Variants in USP15 observed in about 807,000 individuals in gnomAD.
USP15 encodes the protein ubiquitin specific peptidase 15.
USP15 carries 18 observed loss-of-function variants against 127.1 expected under a neutral mutation model. The observed-to-expected ratio is 0.14, with a 90% confidence interval of 0.10 to 0.21. The LOEUF is 0.21. Among genes scored for constraint, USP15 ranks in the 10% least tolerant of loss-of-function variants. USP15 has a pLI of 1.00. For missense variants in USP15, 805 were observed against 1,159.9 expected (o/e 0.69, Z 4.44); for synonymous variants, 364 against 393.7 (o/e 0.92, Z 0.89).
chr12:62,327,592 T>C, intron 6 of USP15: 1 of 416,870 alleles, frequency 2.4e-6, no homozygotes, highest in Non-Finnish European at 4.6e-6. Flanking sequence ...GAGAAATCTT[T>C]TCTACTTAAA....
chr12:62,370,624 G>C (rs2066632210), intron 8 of USP15, among the ~76,000 whole-genome samples: 1 of 152,126 alleles, frequency 6.6e-6, no homozygotes, highest in South Asian at 2.1e-4. Context: ...CTGTTGTCAT[G>C]ATACCACCCT....
At chr12:62,378,891 G>A (rs2066908208) in intron 8 of USP15, among the ~76,000 whole-genome samples, 1 of 152,186 alleles carries the variant, frequency 6.6e-6, no homozygotes, top group Middle Eastern at 3.4e-3. Context: ...AAATGCATTA[G>A]TAAATACAGG....
intron 6 of USP15, among the ~76,000 whole-genome samples, chr12:62,344,321 C>T (rs1335282925): frequency 2.0e-5 from 3 of 152,164 alleles, no homozygotes; most frequent in East Asian, 1.9e-4. Context: ...AGTGCAAGTC[C>T]GAAATCCAGC....
In USP15 at chr12:62,409,957, G is replaced by GT. The variant is rs1274826462; in HGVS notation, c.*5583dup. ...AAAGGAGTATTCGATGTTAACAGACGTAACTCTTTAATGCTCCTCTGTTCA... is the reference window on the plus strand; with the variant it reads ...AAAGGAGTATTCGATGTTAACAGACGTTAACTCTTTAATGCTCCTCTGTTCA... On this transcript the variant is annotated 3_prime_UTR_variant, in exon 22 of 22. Transcript: ENST00000280377. 2 of 151,870 alleles carry GT rather than the reference G, an allele frequency of 1.3e-5. No individual in the cohort carries two copies. The highest frequency in any genetic ancestry group is 6.6e-5 in the Admixed American group (1 of 15,232). 9.4% of individuals were successfully genotyped at this position (151,870 alleles called of 1,614,324 possible). A position where few individuals can be genotyped will look rare whatever the true frequency, so the allele number is the denominator to read the frequency against.
intron 8 of USP15, among the ~76,000 whole-genome samples, chr12:62,362,130 A>C (rs1014938456): frequency 2.6e-5 from 4 of 152,130 alleles, no homozygotes; most frequent in Non-Finnish European, 4.4e-5. Flanking sequence ...TTTGATTTCC[A>C]GTCACTAAGA....
chr12:62,391,959 G>T, intron 17 of USP15, 73 bp downstream of exon 17: 8 of 1,340,202 alleles, frequency 6.0e-6, no homozygotes, highest in East Asian at 2.6e-5. Context: ...TAATCATACT[G>T]TTGTGTTACA....
chr12:62,375,458 G>A (rs1051030129), intron 8 of USP15, among the ~76,000 whole-genome samples: 1 of 152,050 alleles, frequency 6.6e-6, no homozygotes, highest in Non-Finnish European at 1.5e-5. Context: ...CCACATACCT[G>A]TTTGAGTGTG....
intron 7 of USP15, chr12:62,355,120 A>G (rs148661979): frequency 2.2e-4 from 87 of 398,414 alleles, no homozygotes; most frequent in Middle Eastern, 1.4e-3. Context: ...GTGGTATATG[A>G]GAGTTATTTT....
intron 11 of USP15, 63 bp from the exon 12 acceptor site, chr12:62,389,368 C>G: frequency 7.2e-7 from 1 of 1,381,040 alleles, no homozygotes; most frequent in Non-Finnish European, 9.9e-7. Context: ...CATGAGGTCA[C>G]TCTCATTTAC....
chr12:62,310,305 C>G (rs1451072479), intron 3 of USP15, among the ~76,000 whole-genome samples: 1 of 151,772 alleles, frequency 6.6e-6, no homozygotes, highest in Non-Finnish European at 1.5e-5. Flanking sequence ...TCACCCTGCT[C>G]TGCTACCAAA....
rs908850674 is a variant in USP15 at position 62,355,483 on chromosome 12, T to A, written c.915+8T>A. 16 of 1,575,054 alleles carry A rather than the reference T, an allele frequency of 1.0e-5. No homozygotes were observed. Among genetic ancestry groups the A allele is most frequent in the Non-Finnish European group, 1.1e-5 (13 of 1,164,614 alleles). ...ATGAACTCAGCTATTCAGGTAGGTCTTTGTAAACAAAATGAAACTCATGTT... is the reference window on the plus strand; with the variant it reads ...ATGAACTCAGCTATTCAGGTAGGTCATTGTAAACAAAATGAAACTCATGTT... On this transcript the variant is annotated splice_region_variant and intron_variant, in intron 8 of 21. Transcript: ENST00000280377.
intron 2 of USP15, among the ~76,000 whole-genome samples, chr12:62,299,974 G>T (rs2064257656): frequency 6.6e-6 from 1 of 151,996 alleles, no homozygotes; most frequent in African/African-American, 2.4e-5. Flanking sequence ...AATACATTCA[G>T]ATCCTGTGCC....
At chr12:62,319,233 A>G (rs981334230) in intron 4 of USP15, among the ~76,000 whole-genome samples, 2 of 152,148 alleles carry the variant, frequency 1.3e-5, no homozygotes, top group Admixed American at 6.5e-5. Context: ...ACCAGATCAC[A>G]TGAGAACTCA....
rs1422883925 is a variant in USP15 at position 62,389,884 on chromosome 12, T to C, written c.1740T>C (p.Tyr580=). The C allele has an allele frequency of 4.3e-6, 7 of 1,613,924 alleles. No homozygotes were observed. Among genetic ancestry groups the C allele is most frequent in the African/African-American group, 1.3e-5 (1 of 75,044 alleles). ...CLREKFRHSS[Y]THHTGSSLFG... is the part of the protein sequence containing the mutation. ...GAGAAAAATTCAGACACTCGAGTTATACCCACCATACTGGTTCTTCACTTT... is the reference window on the plus strand; with the variant it reads ...GAGAAAAATTCAGACACTCGAGTTACACCCACCATACTGGTTCTTCACTTT... Residue 580 remains tyrosine, a synonymous_variant, in exon 14 of 22, where the codon TAT becomes TAC. Coordinates refer to ENST00000280377, the MANE Select transcript of USP15 (RefSeq NM_001252078.2).
intron 1 of USP15, among the ~76,000 whole-genome samples, chr12:62,263,795 CTA>C (rs751553364): frequency 3.3e-5 from 5 of 152,002 alleles, no homozygotes; most frequent in Non-Finnish European, 7.4e-5. Context: ...AGTTTAGGAA[CTA>C]TAGGAAAGAG....
chr12:62,394,474 T>C (rs2067420328), intron 19 of USP15, among the ~76,000 whole-genome samples: 1 of 152,230 alleles, frequency 6.6e-6, no homozygotes, highest in Middle Eastern at 3.4e-3. Flanking sequence ...AATTATTGAG[T>C]GAAAAAAAGA....
chr12:62,362,272 T>C (rs947767572), intron 8 of USP15, among the ~76,000 whole-genome samples: 2 of 152,160 alleles, frequency 1.3e-5, no homozygotes, highest in Admixed American at 6.6e-5. Flanking sequence ...AGTTTAACCA[T>C]TTTAAGTGTA....
At chr12:62,351,343 A>G (rs2065961714) in intron 7 of USP15, among the ~76,000 whole-genome samples, 1 of 151,094 alleles carries the variant, frequency 6.6e-6, no homozygotes, top group Non-Finnish European at 1.5e-5. Flanking sequence ...ATTACATGAG[A>G]GCTTTAAGTA....
chr12:62,310,608 A>G (rs369546841), intron 3 of USP15, among the ~76,000 whole-genome samples: 1 of 151,890 alleles, frequency 6.6e-6, no homozygotes, highest in Middle Eastern at 3.2e-3. Flanking sequence ...ATATATATAT[A>G]CAATATTTAT....
Sources: allele counts gnomAD v4.1 joint callset (sites outside exome capture counted in the v4.1 genomes callset), GRCh38; gene constraint gnomAD v4.1.1; transcripts MANE v1.5; gene names NCBI Gene and HGNC (gene_info 2026-07-23, HGNC 2026-07-21).